Variants in NSMF observed in about 807,000 individuals in gnomAD.
The protein encoded by NSMF is NMDA receptor synaptonuclear signaling and neuronal migration factor.
Under a neutral mutation model 71.0 loss-of-function variants are expected in NSMF, and 31 were observed. The observed-to-expected ratio is 0.44, with a 90% CI of 0.33 to 0.59. The LOEUF is 0.59. Ranked by LOEUF, NSMF falls within the 20% of genes least tolerant of loss-of-function variation. The pLI, the probability that NSMF is intolerant of heterozygous loss-of-function variation, is 0.04. For missense variants in NSMF, 673 were observed against 740.5 expected, an observed-to-expected ratio of 0.91 and a Z score of 1.06; for synonymous variants, 345 against 287.1, an observed-to-expected ratio of 1.20 and a Z score of -2.04.
chr9:137,454,795 G>T, intron 6 of NSMF: 1 of 1,376,140 alleles, frequency 7.3e-7, no homozygotes, highest in Non-Finnish European at 9.5e-7. Flanking sequence ...TGCCTGCGCT[G>T]CAGCAGAGCG....
Position 137,449,313 on chromosome 9 carries a change from C to A in NSMF, c.*81G>T. 8.3e-7 allele frequency: 1 copy of A among 1,206,660 alleles called. No homozygotes were observed. 74.7% of individuals were successfully genotyped at this position (1,206,660 alleles called of 1,614,324 possible). ...AGGCGAGACCGGAGCCACACAGTCC[C>A]GGGGAGCACGAGGCGGCCCAGCCCC... On this transcript the variant is annotated 3_prime_UTR_variant, in exon 16 of 16. Coordinates refer to ENST00000371475, the MANE Select transcript of NSMF (RefSeq NM_001130969.3).
rs1830754571 is a variant in NSMF at position 137,454,915 on chromosome 9, T to C, written c.779+324A>G. ...GGCAGGTCCTCTCCTCCACCAAACT[T>C]TGGACCCTGCCAAGGCCCAACATCC... On this transcript the variant is annotated intron_variant, in intron 6 of 15. Coordinates refer to ENST00000371475, the MANE Select transcript of NSMF (RefSeq NM_001130969.3). 5.6e-6 allele frequency: 4 copies of C among 708,496 alleles called. No homozygotes were observed. In the East Asian group the frequency reaches 1.3e-4, roughly 23 times the overall value. The allele number at this position is 708,496 out of a possible 1,614,324, so 43.9% of individuals were successfully genotyped here. A position where few individuals can be genotyped will look rare whatever the true frequency, so the allele number is the denominator to read the frequency against.
At position 137,452,445 on chromosome 9, in the gene NSMF, A is replaced by G; in HGVS notation, c.1166-10T>C. 1 of 1,611,906 alleles carries G rather than the reference A, an allele frequency of 6.2e-7. No individual in the cohort carries two copies. Among genetic ancestry groups the G allele is most frequent in the Non-Finnish European group, 8.5e-7 (1 of 1,179,716 alleles). On this transcript the variant is annotated splice_polypyrimidine_tract_variant and intron_variant, in intron 11 of 15. Coordinates refer to ENST00000371475, the MANE Select transcript of NSMF (RefSeq NM_001130969.3). Reference sequence around the variant, plus strand: ...TTCCTCTCTATCTCCTCTGTGGGAGAGCGGGTGTGAGTGCTGCGGCCCCCA... The same window carrying G: ...TTCCTCTCTATCTCCTCTGTGGGAGGGCGGGTGTGAGTGCTGCGGCCCCCA...
At chr9:137,458,395 A>G in intron 2 of NSMF, 93 bp downstream of exon 2, 1 of 1,158,562 alleles carries the variant, frequency 8.6e-7, no homozygotes. Flanking sequence ...ACGCGCAACC[A>G]ATGCCCCTCA....
intron 14 of NSMF, 85 bp downstream of exon 14, chr9:137,449,838 T>A (rs1839826176): frequency 1.4e-6 from 2 of 1,386,116 alleles, no homozygotes; most frequent in African/African-American, 2.9e-5. Context: ...GGAAAAAAAA[T>A]GCCAGGAAAC....
chr9:137,449,946 G>A lies in NSMF; in HGVS notation c.1396C>T (p.Leu466=). The A allele has an allele frequency of 1.9e-6, 3 of 1,613,178 alleles. No individual in the cohort carries two copies. Among genetic ancestry groups the A allele is most frequent in the Non-Finnish European group, 2.5e-6 (3 of 1,179,868 alleles). ...NVIHIMGCYI[L]GNPNGEKLFQ... ...ACCTTCTCTCCATTGGGGTTCCCCA[G>A]AATGTAGCAGCCCATGATGTGGATG... The change falls in exon 14 of 16, where the codon CTG becomes TTG. Residue 466 remains leucine, a synonymous_variant. Transcript: ENST00000371475.
chr9:137,457,512 G>A lies in NSMF; in HGVS notation c.523C>T (p.Pro175Ser). ...KECPGCAQLA[P>S]GPTPRAFGLD... ...CCAAAGGCCCGAGGGGTGGGGCCAGGAGCCAGCTGGGCACATCCGGGGCAC... is the reference window on the plus strand; with the variant it reads ...CCAAAGGCCCGAGGGGTGGGGCCAGAAGCCAGCTGGGCACATCCGGGGCAC... Residue 175 changes from proline (P) to serine (S), a missense_variant, in exon 3 of 16, where the codon CCT becomes TCT. Around this residue, in one of 2 missense-constraint regions of NSMF, gnomAD observed 471 missense variants for 459.6 expected, o/e 1.02. Transcript: ENST00000371475. 6.2e-7 allele frequency: 1 copy of A among 1,610,884 alleles called. No homozygotes were observed. Among genetic ancestry groups the A allele is most frequent in the Non-Finnish European group, 8.5e-7 (1 of 1,179,170 alleles).
intron 4 of NSMF, 129 bp downstream of exon 4, chr9:137,456,282 G>A: frequency 1.2e-6 from 1 of 805,502 alleles, no homozygotes; most frequent in South Asian, 1.3e-5. Context: ...GCCTGGCACA[G>A]CATAGGCACG....
rs1009769793 is a variant in NSMF, at chr9:137,453,900, G to A, written c.833-80C>T. The A allele has an allele frequency of 6.5e-6, 8 of 1,234,034 alleles. No individual in the cohort carries two copies. In the African/African-American group the frequency reaches 1.0e-4, roughly 16 times the overall value. The allele number at this position is 1,234,034 out of a possible 1,614,324, so 76.4% of individuals were successfully genotyped here. A position where few individuals can be genotyped will look rare whatever the true frequency, so the allele number is the denominator to read the frequency against. On this transcript the variant is annotated intron_variant, in intron 7 of 15. Transcript: ENST00000371475. This position sits in a 1 kb window ranked among gnomAD's most constrained non-coding sequence, Gnocchi z 4.5. The stretch of plus-strand genomic sequence containing the variant: ...TCAGACCCCAGGCGAGGGGACCACA[G>A]GGGCCCTGGGCAGAGGAGGAAGCTA...
At chr9:137,454,658 C>G (rs1409054618) in intron 6 of NSMF, 37 of 1,531,366 alleles carry the variant, frequency 2.4e-5, no homozygotes, top group Non-Finnish European at 3.1e-5. Flanking sequence ...AACTCCAGAA[C>G]AAAGGTGCAG....
Position 137,453,168 on chromosome 9 carries a change from T to G in NSMF, c.935A>C (p.Gln312Pro). Residue 312 changes from glutamine (Q) to proline (P), a missense_variant, in exon 9 of 16, where the codon CAG becomes CCG. Physicochemically the swap from Gln to Pro is moderately conservative, Grantham distance 76. This residue lies in a region of NSMF where 471 missense variants were observed against 459.6 expected (regional missense o/e 1.02). Coordinates refer to ENST00000371475, the MANE Select transcript of NSMF (RefSeq NM_001130969.3). The surrounding 1 kb of genome is among the most constrained non-coding windows in gnomAD (Gnocchi z 4.5). ...CTCGTCCAGCGTGCAGTGGGAGCTCTGCAGGTCACTGCCTGGGAAGCAAGA... is the reference window on the plus strand; with the variant it reads ...CTCGTCCAGCGTGCAGTGGGAGCTCGGCAGGTCACTGCCTGGGAAGCAAGA... ...SHDSRDSSDL[Q>P]SSHCTLDEAF... is the part of the protein sequence containing the mutation. 6.2e-7 allele frequency: 1 copy of G among 1,612,592 alleles called. No individual in the cohort carries two copies. The highest frequency in any genetic ancestry group is 8.5e-7 in the Non-Finnish European group (1 of 1,179,868).
Position 137,450,069 on chromosome 9 carries a change from C to G in NSMF, c.1317-44G>C, listed in dbSNP as rs774238639. The G allele has an allele frequency of 2.5e-6, 4 of 1,593,784 alleles. No individual in the cohort carries two copies. The African/African-American group carries it at 5.4e-5, about 21-fold the overall frequency. ...TCACCCAGTGGCAGGGGACAGGCAC[C>G]CCACTCCACAGAGCGGACCGTGGAG... On this transcript the variant is annotated intron_variant, in intron 13 of 15. Transcript: ENST00000371475.
chr9:137,449,641 A>T lies in NSMF; in HGVS notation c.1453T>A (p.Tyr485Asn). The change falls in exon 15 of 16, where the codon TAT becomes AAT. Residue 485 changes from tyrosine to asparagine, a missense_variant. By Grantham distance (143) the Tyr-to-Asn change is moderately radical (BLOSUM62 -2). Coordinates refer to ENST00000371475, the MANE Select transcript of NSMF (RefSeq NM_001130969.3). Reference protein sequence around the residue: ...FQNLRTLMTPYRVTFESPLEL... With the variant: ...FQNLRTLMTPNRVTFESPLEL... ...AGGGGTGACTCGAAGGTGACCCTAT[A>T]AGGAGTCATGAGGGTCCTGAGGTTC... 6.2e-7 allele frequency: 1 copy of T among 1,612,644 alleles called. No individual in the cohort carries two copies. Among genetic ancestry groups the T allele is most frequent in the Non-Finnish European group, 8.5e-7 (1 of 1,179,754 alleles).
chr9:137,450,273 C>A lies in NSMF; in HGVS notation c.1237-18G>T. On this transcript the variant is annotated intron_variant, in intron 12 of 15. Coordinates refer to ENST00000371475, the MANE Select transcript of NSMF (RefSeq NM_001130969.3). ...GGACCTCCCTGTAAGAAGCTGTGGT[C>A]AGGCATCTGCTCCTCCTTCCTCCCC... 6.2e-7 allele frequency: 1 copy of A among 1,600,820 alleles called. No individual in the cohort carries two copies. The highest frequency in any genetic ancestry group is 1.1e-5 in the South Asian group (1 of 90,818).
chr9:137,457,610 C>A lies in NSMF; in HGVS notation c.425G>T (p.Ser142Ile), dbSNP rs1210268492. The change falls in exon 3 of 16, where the codon AGC becomes ATC. Residue 142 changes from serine to isoleucine, a missense_variant. Physicochemically the swap from Ser to Ile is moderately radical, Grantham distance 142. Around this residue, in one of 2 missense-constraint regions of NSMF, gnomAD observed 471 missense variants for 459.6 expected, o/e 1.02. Coordinates refer to ENST00000371475, the MANE Select transcript of NSMF (RefSeq NM_001130969.3). ...PHHHSQPLRA[S>I]PGGSREDVSR... is the part of the protein sequence containing the mutation. ...GACGTCCTCCCGGCTGCCACCAGGG[C>A]TGGCGCGCAGGGGCTGGCTGTGATG... The A allele has an allele frequency of 1.3e-6, 2 of 1,553,126 alleles. No homozygotes were observed. Among genetic ancestry groups the A allele is most frequent in the Non-Finnish European group, 1.7e-6 (2 of 1,148,402 alleles).
intron 3 of NSMF, 146 bp downstream of exon 3, chr9:137,457,261 C>G: frequency 8.4e-7 from 1 of 1,194,144 alleles, no homozygotes; most frequent in Non-Finnish European, 1.2e-6. Flanking sequence ...GCAGCAGAAG[C>G]CTGCCGGTTT....
chr9:137,454,241 G>C (rs576267777), intron 7 of NSMF, 150 bp downstream of exon 7: 1 of 765,936 alleles, frequency 1.3e-6, no homozygotes, highest in Non-Finnish European at 2.2e-6. Context: ...GCCTGGGCCG[G>C]GCTGGGGAAG....
At position 137,453,038 on chromosome 9, in the gene NSMF, G is replaced by C; in HGVS notation, c.1047+18C>G. On this transcript the variant is annotated intron_variant, in intron 9 of 15. Transcript: ENST00000371475. The surrounding 1 kb of genome is among the most constrained non-coding windows in gnomAD (Gnocchi z 4.5). ...CCTGCTCGGGGTGTAGAGGAGCACT[G>C]CCCGGGCTGGGCCTCACCATGACCT... 2 of 1,611,838 alleles carry C rather than the reference G, an allele frequency of 1.2e-6. No homozygotes were observed. The highest frequency in any genetic ancestry group is 1.7e-6 in the Non-Finnish European group (2 of 1,179,884).
Position 137,449,416 on chromosome 9 carries a change from A to G in NSMF, c.1571T>C (p.Leu524Pro). The G allele has an allele frequency of 6.2e-7, 1 of 1,612,904 alleles. No individual in the cohort carries two copies. The highest frequency in any genetic ancestry group is 8.5e-7 in the Non-Finnish European group (1 of 1,179,914). The change falls in exon 16 of 16, where the codon CTG becomes CCG. Residue 524 changes from leucine to proline, a missense_variant. By Grantham distance (98) the Leu-to-Pro change is moderately conservative. Around this residue, in one of 2 missense-constraint regions of NSMF, gnomAD observed 202 missense variants for 280.8 expected, o/e 0.72. Transcript: ENST00000371475. ...LWKSRQHSKL[L>P]DFDDVL Reference sequence around the variant, plus strand: ...CCCTCACAGGACGTCGTCAAAGTCCAGCAGCTTCGAGTGCTGGCGGCTCTT... The same window carrying G: ...CCCTCACAGGACGTCGTCAAAGTCCGGCAGCTTCGAGTGCTGGCGGCTCTT...
Sources: allele counts gnomAD v4.1 joint callset, GRCh38; gene constraint gnomAD v4.1.1; regional missense constraint gnomAD v4.1.1; non-coding constraint Gnocchi (gnomAD v3.1); transcripts MANE v1.5; gene names NCBI Gene and HGNC (gene_info 2026-07-23, HGNC 2026-07-21).